The following PAX5 variants were observed in gnomAD, a reference collection of about 807,000 sequenced individuals.
PAX5 encodes the protein paired box 5, also known as paired box protein Pax-5.
PAX5 carries 9 observed loss-of-function variants against 43.7 expected under a neutral mutation model. The ratio of observed to expected loss-of-function variants is 0.21; its 90% CI spans 0.12 to 0.36. The LOEUF (loss-of-function observed/expected upper bound fraction) is 0.36. Among genes scored for constraint, PAX5 ranks in the 10% least tolerant of loss-of-function variants. The pLI, the probability that PAX5 is intolerant of heterozygous loss-of-function variation, is 1.00. For synonymous variants in PAX5, 228 were observed against 214.3 expected (o/e 1.06, Z -0.56); for missense variants, 383 against 532.7 (o/e 0.72, Z 2.77).
chr9:36,936,226 G>A (rs1448507294), intron 6 of PAX5, among the ~76,000 whole-genome samples: 3 of 152,218 alleles, frequency 2.0e-5, no homozygotes, highest in African/African-American at 7.2e-5. Context: ...CCAGGACCCG[G>A]TAGTCAAAGC....
Position 37,010,265 on chromosome 9 carries a change from C to T in PAX5, c.411-3728G>A, listed in dbSNP as rs549085805. 6.6e-5 allele frequency among the ~76,000 whole-genome samples: 10 copies of T among 152,270 alleles called. No individual in the cohort carries two copies. In the East Asian group the frequency reaches 9.6e-4, roughly 15 times the overall value. The stretch of plus-strand genomic sequence containing the variant: ...TGAGCGTGAGCAGGACCCTGGCTGC[C>T]GTACTGCAGAGCACACTAGACGTTC... On this transcript the variant is annotated intron_variant, in intron 3 of 9. Coordinates refer to ENST00000358127, the MANE Select transcript of PAX5 (RefSeq NM_016734.3).
intron 5 of PAX5, among the ~76,000 whole-genome samples, chr9:36,988,662 CAAAAA>C (rs139552622): frequency 6.9e-4 from 71 of 103,520 alleles, no homozygotes; most frequent in African/African-American, 2.6e-3. Context: ...GACCCTGTCT[CAAAAA>C]AAAAAAAAAA....
intron 5 of PAX5, among the ~76,000 whole-genome samples, chr9:36,980,505 A>T (rs1436748299): frequency 6.6e-6 from 1 of 152,114 alleles, no homozygotes; most frequent in Non-Finnish European, 1.5e-5. Context: ...ATGACAACCC[A>T]CTTACCAGCA....
chr9:36,867,647 G>A (rs905224503), intron 8 of PAX5, among the ~76,000 whole-genome samples: 3 of 152,188 alleles, frequency 2.0e-5, no homozygotes, highest in Admixed American at 6.5e-5. Context: ...GCCTGGGATT[G>A]CTCTTCAGGC....
chr9:37,018,850 C>A (rs532006939), intron 2 of PAX5, among the ~76,000 whole-genome samples: 2 of 152,290 alleles, frequency 1.3e-5, no homozygotes, highest in Admixed American at 1.3e-4. Context: ...GCATCCCTGT[C>A]CCCCTCAATC....
chr9:36,957,025 CACT>C (rs879826518), intron 6 of PAX5, among the ~76,000 whole-genome samples: 108,953 of 151,452 alleles, frequency 0.72, 39,644 homozygotes, highest in South Asian at 0.83. Context: ...TTGTCCCCCC[CACT>C]TCCACCCTCT....
Position 36,966,730 on chromosome 9 carries a change from A to G in PAX5, c.605-6T>C. ...CACCGGAGACTCCTGAATACCTTTG[A>G]TGAGCAGGAGAGAGGAAGGGTGAGT... On this transcript the variant is annotated splice_region_variant and splice_polypyrimidine_tract_variant and intron_variant, in intron 5 of 9. Coordinates refer to ENST00000358127, the MANE Select transcript of PAX5 (RefSeq NM_016734.3). 6.2e-7 allele frequency: 1 copy of G among 1,613,442 alleles called. No individual in the cohort carries two copies. Among genetic ancestry groups the G allele is most frequent in the Non-Finnish European group, 8.5e-7 (1 of 1,179,518 alleles).
intron 6 of PAX5, among the ~76,000 whole-genome samples, chr9:36,951,033 C>T (rs1457310105): frequency 6.6e-6 from 1 of 152,138 alleles, no homozygotes; most frequent in Non-Finnish European, 1.5e-5. Context: ...TGAGCCACTG[C>T]ATGAATTTTC....
intron 8 of PAX5, among the ~76,000 whole-genome samples, chr9:36,870,572 C>T (rs1312135103): frequency 1.3e-5 from 2 of 152,170 alleles, no homozygotes; most frequent in African/African-American, 4.8e-5. Context: ...AATTTGTAAA[C>T]ATTTACTATG....
intron 5 of PAX5, among the ~76,000 whole-genome samples, chr9:36,973,409 T>C (rs1325892170): frequency 6.6e-6 from 1 of 152,148 alleles, no homozygotes; most frequent in African/African-American, 2.4e-5. Flanking sequence ...CTGGGGTGAC[T>C]GGCAAGATGA....
At chr9:36,980,462 C>T (rs546369053) in intron 5 of PAX5, among the ~76,000 whole-genome samples, 1 of 152,036 alleles carries the variant, frequency 6.6e-6, no homozygotes, top group East Asian at 1.9e-4. Context: ...TTGGGCCACC[C>T]ACTGCACCGC....
chr9:36,854,904 G>A (rs1823514821), intron 8 of PAX5, among the ~76,000 whole-genome samples: 1 of 152,210 alleles, frequency 6.6e-6, no homozygotes. Flanking sequence ...GAGAGCCGCG[G>A]ACCCCACAGC....
At chr9:36,924,596 TGTAGTCCCA>T (rs781554604) in intron 6 of PAX5, among the ~76,000 whole-genome samples, 7 of 151,496 alleles carry the variant, frequency 4.6e-5, no homozygotes, top group Non-Finnish European at 1.0e-4. Context: ...AGCTTTCACC[TGTAGTCCCA>T]GCTACTCGGG....
At position 36,840,422 on chromosome 9, in the gene PAX5, G is replaced by A. The variant is rs150759744; in HGVS notation, c.*138C>T. On this transcript the variant is annotated 3_prime_UTR_variant, in exon 10 of 10. Coordinates refer to ENST00000358127, the MANE Select transcript of PAX5 (RefSeq NM_016734.3). ...GGGCCCCAGAGTCCCTGGAGGAAGA[G>A]AGGAAGAGGGGAGCTTCAGGCAAGT... 3,197 of 821,592 alleles carry A rather than the reference G, an allele frequency of 3.9e-3. 11 individuals carry two copies. The highest frequency in any genetic ancestry group is 5.0e-3 in the Non-Finnish European group (2,456 of 495,404). 50.9% of individuals were successfully genotyped at this position (821,592 alleles called of 1,614,324 possible). A position where few individuals can be genotyped will look rare whatever the true frequency, so the allele number is the denominator to read the frequency against.
At chr9:36,981,450 A>AAAAAAAAC (rs1323312857) in intron 5 of PAX5, among the ~76,000 whole-genome samples, 1 of 150,868 alleles carries the variant, frequency 6.6e-6, no homozygotes, top group Non-Finnish European at 1.5e-5. Context: ...AAAAAAAACA[A>AAAAAAAAC]AAAACAGGTA....
At chr9:36,874,060 C>T (rs1047445703) in intron 8 of PAX5, among the ~76,000 whole-genome samples, 8 of 152,178 alleles carry the variant, frequency 5.3e-5, no homozygotes, top group Non-Finnish European at 8.8e-5. Flanking sequence ...GCAGGCAAGA[C>T]GCAGAATCAG....
chr9:36,843,602 GT>G (rs141464517), intron 9 of PAX5, among the ~76,000 whole-genome samples: 1,901 of 152,324 alleles, frequency 0.012, 38 homozygotes, highest in African/African-American at 0.043. Flanking sequence ...GGCCAATATC[GT>G]TTGTGCTCTT....
intron 8 of PAX5, among the ~76,000 whole-genome samples, chr9:36,868,646 A>G (rs1231733849): frequency 6.6e-6 from 1 of 152,086 alleles, no homozygotes; most frequent in East Asian, 1.9e-4. Context: ...CGAGTTAGGA[A>G]GGCCACCTAT....
chr9:37,014,111 C>T (rs527320979), intron 3 of PAX5, among the ~76,000 whole-genome samples: 4 of 152,356 alleles, frequency 2.6e-5, no homozygotes, highest in East Asian at 1.9e-4. Context: ...TTCTGTTCAT[C>T]TCTGAACTTC....
Sources: allele counts gnomAD v4.1 joint callset (sites outside exome capture counted in the v4.1 genomes callset), GRCh38; gene constraint gnomAD v4.1.1; transcripts MANE v1.5; gene names NCBI Gene and HGNC (gene_info 2026-07-23, HGNC 2026-07-21).